The following FHIT variants were observed in gnomAD, a reference collection of about 807,000 sequenced individuals.
FHIT encodes bis(5'-adenosyl)-triphosphatase.
FHIT carries 19 observed loss-of-function variants against 17.9 expected under a neutral mutation model. The observed-to-expected ratio is 1.06, with a 90% CI of 0.74 to 1.56. The LOEUF is 1.56. Among genes scored for constraint, FHIT ranks in the 40% most tolerant of loss-of-function variants. FHIT has a pLI of 0.00. For synonymous variants in FHIT, 81 were observed against 69.7 expected, an observed-to-expected ratio of 1.16 and a Z score of -0.81; for missense variants, 248 against 189.2, an observed-to-expected ratio of 1.31 and a Z score of -1.82.
At chr3:60,207,158 G>A (rs1421185711) in intron 5 of FHIT, among the ~76,000 whole-genome samples, 1 of 147,172 alleles carries the variant, frequency 6.8e-6, no homozygotes, top group African/African-American at 2.5e-5. Flanking sequence ...AGTAGGGAGT[G>A]TGTCAGTGTG....
At chr3:59,857,296 A>C (rs1036308710) in intron 8 of FHIT, among the ~76,000 whole-genome samples, 1 of 152,158 alleles carries the variant, frequency 6.6e-6, no homozygotes, top group African/African-American at 2.4e-5. Context: ...AGGAACCTTA[A>C]GCACTAATGA....
chr3:60,794,174 A>C (rs1700891527), intron 4 of FHIT, among the ~76,000 whole-genome samples: 1 of 152,166 alleles, frequency 6.6e-6, no homozygotes, highest in Admixed American at 6.5e-5. Flanking sequence ...AAAAATATAC[A>C]CATATACTAT....
chr3:61,231,189 A>T (rs1384212445), intron 1 of FHIT, among the ~76,000 whole-genome samples: 1 of 152,200 alleles, frequency 6.6e-6, no homozygotes, highest in African/African-American at 2.4e-5. Flanking sequence ...CTAAATAAAA[A>T]TTTCAGTTAA....
At chr3:59,801,699 A>G (rs1179825427) in intron 8 of FHIT, among the ~76,000 whole-genome samples, 1 of 152,022 alleles carries the variant, frequency 6.6e-6, no homozygotes, top group Non-Finnish European at 1.5e-5. Flanking sequence ...GCTCCTTCCA[A>G]CAACTCTGGG....
intron 7 of FHIT, among the ~76,000 whole-genome samples, chr3:59,948,348 C>CAAA (rs35941668): frequency 8.6e-6 from 1 of 116,416 alleles, no homozygotes; most frequent in African/African-American, 3.4e-5. Flanking sequence ...ACTAAAAATA[C>CAAA]AAAAAAAAAA....
chr3:61,239,795 T>C (rs2040330923), intron 1 of FHIT, among the ~76,000 whole-genome samples: 1 of 59,920 alleles, frequency 1.7e-5, no homozygotes, highest in Non-Finnish European at 2.7e-5. Flanking sequence ...ACACAAATTC[T>C]AAACAATACT....
At chr3:60,194,387 T>C (rs1559716381) in intron 5 of FHIT, among the ~76,000 whole-genome samples, 1 of 152,170 alleles carries the variant, frequency 6.6e-6, no homozygotes, top group African/African-American at 2.4e-5. Context: ...TAGCCCCATG[T>C]AGAAGAATTA....
chr3:60,318,238 A>T (rs1709256402), intron 5 of FHIT, among the ~76,000 whole-genome samples: 1 of 152,222 alleles, frequency 6.6e-6, no homozygotes, highest in Admixed American at 6.5e-5. Flanking sequence ...AAGGAGCAAA[A>T]ATTACAGTAA....
At chr3:60,461,892 A>G (rs1346842449) in intron 5 of FHIT, among the ~76,000 whole-genome samples, 1 of 152,206 alleles carries the variant, frequency 6.6e-6, no homozygotes, top group Non-Finnish European at 1.5e-5. Flanking sequence ...TGATTTTAAA[A>G]AAAGGGAACC....
chr3:60,836,972 A>G (rs1702562601), intron 3 of FHIT, among the ~76,000 whole-genome samples: 1 of 152,114 alleles, frequency 6.6e-6, no homozygotes, highest in South Asian at 2.1e-4. Context: ...GCTGTAGGAC[A>G]CTGCTTTGAT....
At chr3:60,113,826 C>A (rs1366098417) in intron 5 of FHIT, among the ~76,000 whole-genome samples, 1 of 148,600 alleles carries the variant, frequency 6.7e-6, no homozygotes, top group African/African-American at 2.5e-5. Flanking sequence ...ATGGTGAAAC[C>A]CCGTCTCTAC....
intron 5 of FHIT, among the ~76,000 whole-genome samples, chr3:60,316,955 C>G (rs1709189749): frequency 6.6e-6 from 1 of 152,102 alleles, no homozygotes; most frequent in South Asian, 2.1e-4. Flanking sequence ...AATAAAATCT[C>G]TGGAACAAGG....
At chr3:60,801,090 T>C (rs564835079) in intron 4 of FHIT, among the ~76,000 whole-genome samples, 2 of 152,300 alleles carry the variant, frequency 1.3e-5, no homozygotes, top group African/African-American at 4.8e-5. Flanking sequence ...CACCTAGGGC[T>C]CAACCTGCTG....
At chr3:60,740,012 A>G (rs1475310906) in intron 4 of FHIT, among the ~76,000 whole-genome samples, 2 of 152,364 alleles carry the variant, frequency 1.3e-5, no homozygotes, top group South Asian at 2.1e-4. Flanking sequence ...AATAAATAAT[A>G]GAATATCCTT....
intron 7 of FHIT, among the ~76,000 whole-genome samples, chr3:59,987,763 A>G (rs1709050231): frequency 6.6e-6 from 1 of 152,004 alleles, no homozygotes; most frequent in Admixed American, 6.6e-5. Flanking sequence ...AGAAATTCAC[A>G]TTAGGCATTT....
chr3:60,398,491 T>C (rs1701540258), intron 5 of FHIT, among the ~76,000 whole-genome samples: 1 of 152,182 alleles, frequency 6.6e-6, no homozygotes, highest in Non-Finnish European at 1.5e-5. Context: ...TGTGACAGTT[T>C]ATTAACATTG....
At chr3:60,029,314 G>A (rs1390182986) in intron 5 of FHIT, among the ~76,000 whole-genome samples, 4 of 152,132 alleles carry the variant, frequency 2.6e-5, no homozygotes, top group Non-Finnish European at 4.4e-5. Context: ...TATAAGATGA[G>A]GGGTACTTGT....
chr3:60,423,764 A>G (rs1422293675), intron 5 of FHIT, among the ~76,000 whole-genome samples: 2 of 152,160 alleles, frequency 1.3e-5, no homozygotes, highest in Non-Finnish European at 2.9e-5. Context: ...GCACACCTGA[A>G]ACTACCACAC....
At chr3:60,235,518 C>T (rs1022941046) in intron 5 of FHIT, among the ~76,000 whole-genome samples, 6 of 152,116 alleles carry the variant, frequency 3.9e-5, no homozygotes, top group Admixed American at 1.3e-4. Flanking sequence ...CGTGAGCCAC[C>T]GTGCCCGGCC....
Sources: gnomAD v4.1 joint callset for allele counts (sites outside exome capture counted in the v4.1 genomes callset) on GRCh38, gnomAD v4.1.1 for gene constraint, MANE v1.5 for transcripts, NCBI Gene and HGNC (gene_info 2026-07-23, HGNC 2026-07-21) for gene names.